Variants in DAB2IP observed in about 807,000 individuals in gnomAD.
DAB2IP encodes disabled homolog 2-interacting protein.
A neutral mutation model predicts 107.2 loss-of-function variants in DAB2IP; 28 were observed. The ratio of observed to expected loss-of-function variants is 0.26; its 90% CI spans 0.19 to 0.36. The LOEUF (loss-of-function observed/expected upper bound fraction) is 0.36, where lower values mean the gene tolerates loss of function less well. DAB2IP is among the 10% of genes least tolerant of loss of function. The probability of loss-of-function intolerance (pLI) is 1.00; values close to 1 mark genes in which losing one functional copy is unlikely to be tolerated. For synonymous variants in DAB2IP, 755 were observed against 706.4 expected (o/e 1.07, Z -1.09); for missense variants, 1,400 against 1,644.7 (o/e 0.85, Z 2.57).
Position 121,782,275 on chromosome 9 carries a change from A to C in DAB2IP, c.3403-56A>C, listed in dbSNP as rs1037672476. On this transcript the variant is annotated intron_variant, in intron 15 of 15. Transcript: ENST00000408936. This position sits in a 1 kb window ranked among gnomAD's most constrained non-coding sequence, Gnocchi z 6.1. ...CTTCCCCGATGCTTGTCGTAGGTAT[A>C]CACAGCCCTAAGGAGCCTGTCCCAT... 1.9e-6 allele frequency: 3 copies of C among 1,578,534 alleles called. No individual in the cohort carries two copies. Among genetic ancestry groups the C allele is most frequent in the Non-Finnish European group, 8.6e-7 (1 of 1,156,882 alleles).
chr9:121,626,731 A>G (rs1231945218), intron 1 of DAB2IP, among the ~76,000 whole-genome samples: 8 of 152,018 alleles, frequency 5.3e-5, no homozygotes, highest in African/African-American at 1.9e-4. Context: ...GCCAGAAGAG[A>G]AACCTTGACA....
chr9:121,569,734 C>A (rs1055447990), intron 1 of DAB2IP, among the ~76,000 whole-genome samples: 11 of 152,170 alleles, frequency 7.2e-5, no homozygotes, highest in African/African-American at 1.2e-4. Context: ...GGCATAAGAA[C>A]CACTTGAACT....
At chr9:121,752,683 G>A (rs943811288) in intron 3 of DAB2IP, among the ~76,000 whole-genome samples, 2 of 152,252 alleles carry the variant, frequency 1.3e-5, no homozygotes, top group African/African-American at 4.8e-5. Context: ...CTGGTCAGGT[G>A]GAGCAGGGAG....
chr9:121,582,509 G>A (rs1399378791), intron 1 of DAB2IP, among the ~76,000 whole-genome samples: 3 of 151,890 alleles, frequency 2.0e-5, no homozygotes, highest in Non-Finnish European at 2.9e-5. Context: ...TGCAGGTCTG[G>A]CCCCACATCC....
chr9:121,595,281 TC>T (rs1411301351), intron 1 of DAB2IP, among the ~76,000 whole-genome samples: 2 of 151,090 alleles, frequency 1.3e-5, no homozygotes, highest in African/African-American at 4.9e-5. Flanking sequence ...ACACTGTGTG[TC>T]TCCTATCCTG....
In DAB2IP at chr9:121,699,900, G is replaced by A. The variant is rs916213869; in HGVS notation, c.362+442G>A. Among the ~76,000 whole-genome samples the A allele has an allele frequency of 6.6e-6, 1 of 152,228 alleles. No homozygotes were observed. The highest frequency in any genetic ancestry group is 1.5e-5 in the Non-Finnish European group (1 of 68,034). ...TTTTCGGCCGGGTTTGGCCGAGACC[G>A]GGCGCTGCCCGTGGTGAGGGGAAGG... On this transcript the variant is annotated intron_variant, in intron 3 of 15. Transcript: ENST00000408936. This position sits in a 1 kb window ranked among gnomAD's most constrained non-coding sequence, Gnocchi z 6.2.
intron 1 of DAB2IP, among the ~76,000 whole-genome samples, chr9:121,577,601 C>T (rs1830095055): frequency 6.6e-6 from 1 of 152,208 alleles, no homozygotes; most frequent in Non-Finnish European, 1.5e-5. Flanking sequence ...AGAAAAGCCA[C>T]AGCCAGGGAC....
exon 12 of DAB2IP, chr9:121,773,184 C>G: frequency 6.3e-7 from 1 of 1,592,560 alleles, no homozygotes; most frequent in African/African-American, 1.3e-5. Flanking sequence ...GGCTCGGCGG[C>G]CCGGTGAGCT....
At position 121,699,357 on chromosome 9, in the gene DAB2IP, C is replaced by T; in HGVS notation, c.261C>T (p.Ile87=). ...TCAGCCGCCGCCTCAAGGGCTCCATCAAGCGCACCAAGAGCCAGCCCAAGC... is the reference window on the plus strand; with the variant it reads ...TCAGCCGCCGCCTCAAGGGCTCCATTAAGCGCACCAAGAGCCAGCCCAAGC... Residue 87 remains isoleucine, a synonymous_variant, in exon 3 of 16, where the codon ATC becomes ATT. Transcript: ENST00000408936. The surrounding 1 kb of genome is among the most constrained non-coding windows in gnomAD (Gnocchi z 6.2). 6.8e-7 allele frequency: 1 copy of T among 1,474,162 alleles called. No homozygotes were observed. The highest frequency in any genetic ancestry group is 9.1e-7 in the Non-Finnish European group (1 of 1,101,956). 91.3% of individuals were successfully genotyped at this position (1,474,162 alleles called of 1,614,324 possible).
chr9:121,773,564 A>C, intron 12 of DAB2IP, 69 bp downstream of exon 12: 2 of 1,343,972 alleles, frequency 1.5e-6, no homozygotes, highest in South Asian at 2.3e-5. Flanking sequence ...ACCCCATACC[A>C]TGCTCCTCCT....
chr9:121,696,902 G>T (rs1829458581), intron 2 of DAB2IP, among the ~76,000 whole-genome samples: 1 of 152,194 alleles, frequency 6.6e-6, no homozygotes, highest in South Asian at 2.1e-4. Context: ...CTTTTCCCAT[G>T]ATCTGAGCTC....
At chr9:121,766,495 G>A (rs1246155271) in exon 9 of DAB2IP, 2 of 1,604,848 alleles carry the variant, frequency 1.2e-6, no homozygotes, top group Non-Finnish European at 8.5e-7. Flanking sequence ...CCTACACAGT[G>A]TCTTCCCACG....
rs1319904837 is a variant in DAB2IP at position 121,701,056 on chromosome 9, T to A, written c.362+1598T>A. Reference sequence around the variant, plus strand: ...GCTGTCTTCCCCAGGAACATGCCCTTCTCCGCGCTTTCCTTGGCGGGGGTC... The same window carrying A: ...GCTGTCTTCCCCAGGAACATGCCCTACTCCGCGCTTTCCTTGGCGGGGGTC... On this transcript the variant is annotated intron_variant, in intron 3 of 15. Transcript: ENST00000408936. This position sits in a 1 kb window ranked among gnomAD's most constrained non-coding sequence, Gnocchi z 4.7. Among the ~76,000 whole-genome samples the A allele has an allele frequency of 6.6e-6, 1 of 152,220 alleles. No individual in the cohort carries two copies. The highest frequency in any genetic ancestry group is 1.5e-5 in the Non-Finnish European group (1 of 68,028).
At chr9:121,632,174 G>C (rs1031887687) in intron 1 of DAB2IP, among the ~76,000 whole-genome samples, 2 of 152,174 alleles carry the variant, frequency 1.3e-5, no homozygotes, top group Non-Finnish European at 2.9e-5. Context: ...GCGTGGCCTC[G>C]GGCGTGTTTG....
exon 12 of DAB2IP, chr9:121,773,144 G>T (rs752986890): frequency 5.0e-6 from 8 of 1,610,436 alleles, no homozygotes; most frequent in Non-Finnish European, 6.8e-6. Context: ...CTGCCAAGCT[G>T]GGAAGTTTCA....
intron 1 of DAB2IP, among the ~76,000 whole-genome samples, chr9:121,657,931 A>C (rs1391089885): frequency 6.6e-6 from 1 of 152,204 alleles, no homozygotes; most frequent in Admixed American, 6.5e-5. Flanking sequence ...CCACAGAGCC[A>C]AGGCCACTTG....
At chr9:121,664,434 A>C (rs1418229535) in intron 1 of DAB2IP, among the ~76,000 whole-genome samples, 1 of 152,078 alleles carries the variant, frequency 6.6e-6, no homozygotes, top group Non-Finnish European at 1.5e-5. Context: ...CAAAATTTTT[A>C]TTTTGGATTT....
intron 3 of DAB2IP, among the ~76,000 whole-genome samples, chr9:121,717,015 G>A (rs767291180): frequency 2.5e-4 from 38 of 152,172 alleles, no homozygotes; most frequent in Non-Finnish European, 2.5e-4. Flanking sequence ...TACGGAGCTG[G>A]GCCTTGTGCA....
intron 2 of DAB2IP, among the ~76,000 whole-genome samples, chr9:121,693,701 A>G (rs1367311781): frequency 6.6e-6 from 1 of 152,212 alleles, no homozygotes; most frequent in African/African-American, 2.4e-5. Context: ...TGCCAGGCCC[A>G]CATGCCCATC....
Sources: allele counts gnomAD v4.1 joint callset (sites outside exome capture counted in the v4.1 genomes callset), GRCh38; gene constraint gnomAD v4.1.1; non-coding constraint Gnocchi (gnomAD v3.1); transcripts MANE v1.5; gene names NCBI Gene and HGNC (gene_info 2026-07-23, HGNC 2026-07-21).